PRSS23: variants seen among roughly 807,000 people sequenced by gnomAD.
PRSS23 encodes the protein protease, serine 23.
In PRSS23, 25 loss-of-function variants were observed where a neutral mutation model predicts 34.7. The observed-to-expected ratio is 0.72, with a 90% CI of 0.53 to 1.01. The LOEUF is 1.01. PRSS23 is among the 50% of genes least tolerant of loss of function. PRSS23 has a pLI of 0.00. For missense variants in PRSS23, 445 were observed against 475.6 expected (o/e 0.94, Z 0.60); for synonymous variants, 176 against 186.6 (o/e 0.94, Z 0.46).
chr11:86,864,232 T>C (rs1374346209), intron 2 of PRSS23, among the ~76,000 whole-genome samples: 3 of 151,454 alleles, frequency 2.0e-5, no homozygotes, highest in Non-Finnish European at 4.4e-5. Context: ...TTTTTTTTTT[T>C]TCCCCAAAGA....
chr11:86,899,918 A>G (rs554609076), intron 2 of PRSS23, among the ~76,000 whole-genome samples: 1 of 152,292 alleles, frequency 6.6e-6, no homozygotes, highest in Admixed American at 6.5e-5. Flanking sequence ...AGTGACACTG[A>G]AAAGGCTAGA....
intron 2 of PRSS23, among the ~76,000 whole-genome samples, chr11:86,894,690 C>T (rs578153217): frequency 6.6e-6 from 1 of 152,262 alleles, no homozygotes; most frequent in South Asian, 2.1e-4. Flanking sequence ...CTTTACCGGT[C>T]GTTGTCTTTA....
At position 86,827,447 on chromosome 11, in the gene PRSS23, G is replaced by C. The variant is rs1475115625; in HGVS notation, c.206+3854G>C. 3.9e-5 allele frequency among the ~76,000 whole-genome samples: 6 copies of C among 152,030 alleles called. No homozygotes were observed. The East Asian group carries it at 5.8e-4, about 15-fold the overall frequency. On this transcript the variant is annotated intron_variant, in intron 2 of 2. Coordinates refer to the PRSS23 transcript ENST00000533902. ...TGTTGATCCTTTCAAAAAACCAGCTGCTGGATTCATTAATTTTTTGAAGGG... is the reference window on the plus strand; with the variant it reads ...TGTTGATCCTTTCAAAAAACCAGCTCCTGGATTCATTAATTTTTTGAAGGG...
intron 2 of PRSS23, among the ~76,000 whole-genome samples, chr11:86,862,638 T>G (rs1046985501): frequency 7.9e-5 from 12 of 151,822 alleles, no homozygotes; most frequent in South Asian, 2.1e-4. Flanking sequence ...TTTAGGGGGA[T>G]GTTACTTGTA....
chr11:86,873,267 T>TATATATATAC (rs1565372533), intron 2 of PRSS23, among the ~76,000 whole-genome samples: 5 of 132,018 alleles, frequency 3.8e-5, no homozygotes, highest in African/African-American at 1.6e-4. Context: ...TATATATATA[T>TATATATATAC]ACACACACAT....
chr11:86,921,775 C>T (rs1048338), intron 2 of PRSS23: 121,786 of 152,134 alleles, frequency 0.8, 49,111 homozygotes, highest in Middle Eastern at 0.9. Context: ...GGCCCTGTTA[C>T]AGCTTAGTGG....
chr11:86,848,223 G>A (rs1460760172), intron 2 of PRSS23, among the ~76,000 whole-genome samples: 1 of 152,226 alleles, frequency 6.6e-6, no homozygotes, highest in Non-Finnish European at 1.5e-5. Context: ...GATCTAACAT[G>A]GAGAGATATC....
intron 2 of PRSS23, among the ~76,000 whole-genome samples, chr11:86,888,009 G>A (rs76571283): frequency 0.057 from 8,593 of 150,608 alleles, 334 homozygotes; most frequent in East Asian, 0.19. Flanking sequence ...CCAAGATTGC[G>A]CCATTGCACT....
upstream of PRSS23, among the ~76,000 whole-genome samples, chr11:86,797,310 G>A (rs76598144): frequency 6.6e-6 from 1 of 152,324 alleles, no homozygotes; most frequent in Admixed American, 6.5e-5. Flanking sequence ...GACATCTGCT[G>A]TTTACATTGG....
At chr11:86,830,279 A>G (rs893662838) in intron 2 of PRSS23, among the ~76,000 whole-genome samples, 3 of 152,010 alleles carry the variant, frequency 2.0e-5, no homozygotes, top group Admixed American at 6.5e-5. Flanking sequence ...CTCCATGGGC[A>G]TAGGACCCTC....
chr11:86,877,203 A>C (rs1436266512), intron 2 of PRSS23, among the ~76,000 whole-genome samples: 1 of 150,650 alleles, frequency 6.6e-6, no homozygotes, highest in Non-Finnish European at 1.5e-5. Flanking sequence ...CCTCCACTGC[A>C]CTGTGAGCTC....
intron 1 of PRSS23, chr11:86,821,102 GTTAA>G (rs1489704659): frequency 8.6e-6 from 4 of 464,412 alleles, no homozygotes; most frequent in East Asian, 6.8e-5. Flanking sequence ...CATAATTAAT[GTTAA>G]TTATGTGATC....
intron 2 of PRSS23, among the ~76,000 whole-genome samples, chr11:86,866,710 G>A (rs779565249): frequency 7.9e-5 from 12 of 152,196 alleles, no homozygotes; most frequent in Admixed American, 1.3e-4. Flanking sequence ...AGGTATTTGG[G>A]TCATGGAGTA....
chr11:86,868,475 G>A lies in PRSS23; in HGVS notation c.206+44882G>A, dbSNP rs925904269. On this transcript the variant is annotated intron_variant, in intron 2 of 2. Coordinates refer to the PRSS23 transcript ENST00000533902. ...TTCATTTATGTAAGGGGGCTTGACC[G>A]ATATTAGGAGGAACAAGGGAACTCC... Among the ~76,000 whole-genome samples the A allele has an allele frequency of 7.2e-5, 11 of 152,246 alleles. No homozygotes were observed. In the South Asian group the frequency reaches 1.2e-3, roughly 17 times the overall value.
At chr11:86,887,463 A>C (rs1948810604) in intron 2 of PRSS23, among the ~76,000 whole-genome samples, 1 of 152,124 alleles carries the variant, frequency 6.6e-6, no homozygotes, top group Non-Finnish European at 1.5e-5. Flanking sequence ...AGCCAGGACT[A>C]TCTCAGGAGG....
At chr11:86,952,675 T>C in exon 3 of PRSS23, 1 of 551,276 alleles carries the variant, frequency 1.8e-6, no homozygotes, top group South Asian at 2.2e-5. Context: ...TAGTTTGGCT[T>C]TAGTAATCCT....
chr11:86,939,224 C>T lies in PRSS23; in HGVS notation c.207-11992C>T, dbSNP rs560177665. On this transcript the variant is annotated intron_variant, in intron 2 of 2. Coordinates refer to the PRSS23 transcript ENST00000533902. ...AGGAGTGTGTTTTCTCCCAAGCAAA[C>T]ACATAAACAAAAAATTCTAATTACA... The T allele has an allele frequency of 9.2e-4, 263 of 285,228 alleles. 1 individual carries two copies. Among genetic ancestry groups the T allele is most frequent in the South Asian group, 3.0e-3 (95 of 31,988 alleles). 17.7% of individuals were successfully genotyped at this position (285,228 alleles called of 1,614,324 possible).
intron 1 of PRSS23, among the ~76,000 whole-genome samples, chr11:86,818,316 T>C (rs1590876932): frequency 6.6e-6 from 1 of 152,210 alleles, no homozygotes; most frequent in Admixed American, 6.5e-5. Context: ...GTATCATTAA[T>C]TGAAATCTAT....
At chr11:86,850,127 C>G (rs1311719027) in intron 2 of PRSS23, among the ~76,000 whole-genome samples, 1 of 152,220 alleles carries the variant, frequency 6.6e-6, no homozygotes. Context: ...CCTACTATTA[C>G]TCACCTTTAG....
Sources: gnomAD v4.1 joint callset for allele counts (sites outside exome capture counted in the v4.1 genomes callset) on GRCh38, gnomAD v4.1.1 for gene constraint, MANE v1.5 for transcripts, NCBI Gene and HGNC (gene_info 2026-07-23, HGNC 2026-07-21) for gene names.